Variants in IFNGR2 observed in about 807,000 individuals in gnomAD.
IFNGR2 encodes interferon gamma receptor 2.
In IFNGR2, 15 loss-of-function variants were observed where a neutral mutation model predicts 41.1. That is an observed-to-expected ratio of 0.37 (90% CI 0.24 to 0.56). The LOEUF is 0.56. Among genes scored for constraint, IFNGR2 ranks in the 20% least tolerant of loss-of-function variants. IFNGR2 has a pLI of 0.81. For synonymous variants in IFNGR2, 161 were observed against 171.6 expected, an observed-to-expected ratio of 0.94 and a Z score of 0.48; for missense variants, 362 against 415.7, an observed-to-expected ratio of 0.87 and a Z score of 1.12.
rs768612288 is a variant in IFNGR2, at chr21:33,421,633, A to G, written c.360A>G (p.Gly120=). 21 of 1,614,070 alleles carry G rather than the reference A, an allele frequency of 1.3e-5. No homozygotes were observed. Among genetic ancestry groups the G allele is most frequent in the Admixed American group, 1.7e-5 (1 of 60,010 alleles). The part of the protein sequence containing the change: ...NVTLRLRAEL[G]ALHSAWVTMP... ...CTCTACGCCTTCGAGCTGAGCTGGG[A>G]GCACTCCATTCTGCCTGGGTGACAA... Residue 120 remains glycine (G), a synonymous_variant, in exon 3 of 7, where the codon GGA becomes GGG. Coordinates refer to ENST00000290219, the MANE Select transcript of IFNGR2 (RefSeq NM_005534.4).
At chr21:33,435,929 C>T (rs948657357) in intron 6 of IFNGR2, among the ~76,000 whole-genome samples, 5 of 148,018 alleles carry the variant, frequency 3.4e-5, no homozygotes, top group Non-Finnish European at 5.9e-5. Context: ...TGGTGGTGCA[C>T]GCCTGCAATC....
chr21:33,407,030 T>C (rs1384988136), intron 1 of IFNGR2, among the ~76,000 whole-genome samples: 1 of 152,102 alleles, frequency 6.6e-6, no homozygotes, highest in African/African-American at 2.4e-5. Flanking sequence ...ATATGGGACC[T>C]GTGGCAATTT....
intron 6 of IFNGR2, among the ~76,000 whole-genome samples, chr21:33,433,708 T>C (rs1446015837): frequency 3.3e-5 from 5 of 152,166 alleles, no homozygotes; most frequent in Admixed American, 3.3e-4. Context: ...ACAATGTGAA[T>C]GTGCTTGGCA....
In IFNGR2 at chr21:33,437,127, T is replaced by C. The variant is rs1431892053; in HGVS notation, c.*165T>C. 2.0e-5 allele frequency: 4 copies of C among 198,778 alleles called. No homozygotes were observed. The East Asian group carries it at 3.4e-4, about 17-fold the overall frequency. The allele number at this position is 198,778 out of a possible 1,614,324, so 12.3% of individuals were successfully genotyped here. ...AGCAGGTCTCATGGGGGTGACAAGCTTTTTTTTTTTTTCTTAAAGAATTTT... is the reference window on the plus strand; with the variant it reads ...AGCAGGTCTCATGGGGGTGACAAGCCTTTTTTTTTTTTCTTAAAGAATTTT... On this transcript the variant is annotated 3_prime_UTR_variant, in exon 7 of 7. Coordinates refer to ENST00000290219, the MANE Select transcript of IFNGR2 (RefSeq NM_005534.4).
intron 3 of IFNGR2, 104 bp from the exon 4 acceptor site, chr21:33,426,780 T>C: frequency 3.5e-6 from 2 of 565,266 alleles, no homozygotes; most frequent in Non-Finnish European, 5.7e-6. Context: ...ACACCCACTA[T>C]ATATATATAT....
intron 1 of IFNGR2, among the ~76,000 whole-genome samples, chr21:33,411,751 G>C (rs1601069962): frequency 6.6e-6 from 1 of 152,242 alleles, no homozygotes; most frequent in South Asian, 2.1e-4. Flanking sequence ...GAATGGGAGT[G>C]GCCTCTAGAA....
At chr21:33,413,553 C>T (rs1048088061) in intron 1 of IFNGR2, among the ~76,000 whole-genome samples, 1 of 152,166 alleles carries the variant, frequency 6.6e-6, no homozygotes, top group African/African-American at 2.4e-5. Context: ...CTTTCTTCCA[C>T]CTTCTGGGCA....
chr21:33,416,628 C>T (rs1201933042), intron 2 of IFNGR2, among the ~76,000 whole-genome samples: 1 of 152,032 alleles, frequency 6.6e-6, no homozygotes, highest in Non-Finnish European at 1.5e-5. Flanking sequence ...CGAGACCATC[C>T]TGGCTAACAC....
chr21:33,421,387 T>A, intron 2 of IFNGR2, 93 bp from the exon 3 acceptor site: 4 of 883,886 alleles, frequency 4.5e-6, no homozygotes, highest in Non-Finnish European at 7.6e-6. Flanking sequence ...AAATTGTATC[T>A]CAATAAACCT....
chr21:33,424,920 T>G (rs1222588482), intron 3 of IFNGR2, among the ~76,000 whole-genome samples: 2 of 151,902 alleles, frequency 1.3e-5, no homozygotes, highest in Admixed American at 6.6e-5. Context: ...TTTGGTTTTG[T>G]TTTTGTGAGA....
chr21:33,403,582 C>T lies in IFNGR2; in HGVS notation c.39C>T (p.Leu13=), dbSNP rs765907908. The change falls in exon 1 of 7, where the codon CTC becomes CTT. Residue 13 remains leucine, a synonymous_variant. Coordinates refer to ENST00000290219, the MANE Select transcript of IFNGR2 (RefSeq NM_005534.4). The part of the protein sequence containing the change: ...PTLLWSLLLL[L]GVFAAAAAAP... ...TGCTGTGGTCGCTGCTGCTGCTGCTCGGAGTCTTCGCCGCCGCCGCCGCGG... is the reference window on the plus strand; with the variant it reads ...TGCTGTGGTCGCTGCTGCTGCTGCTTGGAGTCTTCGCCGCCGCCGCCGCGG... The T allele has an allele frequency of 1.5e-5, 21 of 1,374,198 alleles. No homozygotes were observed. In the African/African-American group the frequency reaches 2.6e-4, roughly 17 times the overall value. 85.1% of individuals were successfully genotyped at this position (1,374,198 alleles called of 1,614,324 possible). A position where few individuals can be genotyped will look rare whatever the true frequency, so the allele number is the denominator to read the frequency against.
chr21:33,406,348 C>A (rs2083677539), intron 1 of IFNGR2, among the ~76,000 whole-genome samples: 1 of 151,784 alleles, frequency 6.6e-6, no homozygotes, highest in Non-Finnish European at 1.5e-5. Flanking sequence ...GCACTCCAGC[C>A]TGGGTGACAG....
intron 6 of IFNGR2, among the ~76,000 whole-genome samples, chr21:33,434,913 A>G (rs1392621380): frequency 1.3e-5 from 2 of 152,222 alleles, no homozygotes; most frequent in African/African-American, 4.8e-5. Context: ...AGACATGAAC[A>G]GAAAACACAG....
chr21:33,409,802 G>A (rs1426216476), intron 1 of IFNGR2, among the ~76,000 whole-genome samples: 1 of 152,066 alleles, frequency 6.6e-6, no homozygotes, highest in Non-Finnish European at 1.5e-5. Context: ...TTTTCCTCTT[G>A]CTCTCACACA....
At chr21:33,407,785 G>A (rs1390938050) in intron 1 of IFNGR2, among the ~76,000 whole-genome samples, 2 of 151,802 alleles carry the variant, frequency 1.3e-5, no homozygotes, top group African/African-American at 2.4e-5. Flanking sequence ...TAGTAGGGAC[G>A]GGGTTTCACC....
chr21:33,409,437 A>G (rs879848011), intron 1 of IFNGR2, among the ~76,000 whole-genome samples: 7 of 152,172 alleles, frequency 4.6e-5, no homozygotes, highest in Non-Finnish European at 8.8e-5. Context: ...CCACTGCGAC[A>G]CTGCACTCCA....
chr21:33,435,712 G>C (rs1034940165), intron 6 of IFNGR2, among the ~76,000 whole-genome samples: 2 of 151,738 alleles, frequency 1.3e-5, no homozygotes, highest in Non-Finnish European at 2.9e-5. Context: ...GTGAAACCCT[G>C]TCTCTACTAA....
chr21:33,433,576 A>G (rs1219990580), intron 6 of IFNGR2, among the ~76,000 whole-genome samples: 1 of 152,092 alleles, frequency 6.6e-6, no homozygotes, highest in Non-Finnish European at 1.5e-5. Flanking sequence ...CCATAAAGAC[A>G]GGAAGTAGAA....
In IFNGR2 at chr21:33,432,853, C is replaced by A; in HGVS notation, c.861C>A (p.Ile287=). 6.2e-7 allele frequency: 1 copy of A among 1,613,076 alleles called. No individual in the cohort carries two copies. Among genetic ancestry groups the A allele is most frequent in the Non-Finnish European group, 8.5e-7 (1 of 1,179,652 alleles). ...IKYWFHTPPS[I]PLQIEEYLKD... ...ACTGGTTTCACACTCCACCAAGCAT[C>A]CCATTACAGATAGAAGAGGTACGTG... is the stretch of plus-strand genomic sequence containing the variant. Residue 287 remains isoleucine, a synonymous_variant, in exon 6 of 7, where the codon ATC becomes ATA. Coordinates refer to ENST00000290219, the MANE Select transcript of IFNGR2 (RefSeq NM_005534.4).
Sources: gnomAD v4.1 joint callset for allele counts (sites outside exome capture counted in the v4.1 genomes callset) on GRCh38, gnomAD v4.1.1 for gene constraint, MANE v1.5 for transcripts, NCBI Gene and HGNC (gene_info 2026-07-23, HGNC 2026-07-21) for gene names.